The following LTBP2 variants were observed in gnomAD, a reference collection of about 807,000 sequenced individuals.
LTBP2 encodes the protein latent-transforming growth factor beta-binding protein 2.
LTBP2 carries 103 observed loss-of-function variants against 210.6 expected under a neutral mutation model. The observed-to-expected ratio is 0.49, with a 90% confidence interval of 0.42 to 0.58. LTBP2 has a LOEUF of 0.58. Ranked by LOEUF, LTBP2 falls within the 20% of genes least tolerant of loss-of-function variation. The pLI, the probability that LTBP2 is intolerant of heterozygous loss-of-function variation, is 0.00. For synonymous variants in LTBP2, 1,007 were observed against 1,015.0 expected (o/e 0.99, Z 0.15); for missense variants, 2,313 against 2,494.5 (o/e 0.93, Z 1.55).
intron 9 of LTBP2, among the ~76,000 whole-genome samples, chr14:74,535,344 C>T (rs1228807572): frequency 1.3e-5 from 2 of 152,178 alleles, no homozygotes; most frequent in East Asian, 3.9e-4. Context: ...AACTGTTTGT[C>T]CAGTTGTCAA....
intron 3 of LTBP2, among the ~76,000 whole-genome samples, chr14:74,585,287 AGAG>A (rs368687764): frequency 5.0e-4 from 76 of 152,336 alleles, no homozygotes; most frequent in African/African-American, 1.7e-3. Flanking sequence ...TTCTTCTGGC[AGAG>A]GAGTCCTTCC....
rs762914629 is a variant in LTBP2, at chr14:74,507,994, G to T, written c.3754C>A (p.Pro1252Thr). 6.2e-6 allele frequency: 10 copies of T among 1,613,692 alleles called. No homozygotes were observed. The highest frequency in any genetic ancestry group is 4.0e-5 in the African/African-American group (3 of 75,060). ...TTACCCACACACTCTCCACTCTCTG[G>T]GGAGGGCTGGAAGCCAGTCTCACAT... The part of the protein sequence containing the change: ...CLCETGFQPS[P>T]ESGECVDIDE... The change falls in exon 25 of 36, where the codon CCA becomes ACA. Residue 1252 changes from proline (P) to threonine (T), a missense_variant. Coordinates refer to ENST00000261978, the MANE Select transcript of LTBP2 (RefSeq NM_000428.3).
chr14:74,550,824 C>T (rs367758010), intron 7 of LTBP2, among the ~76,000 whole-genome samples: 2 of 152,212 alleles, frequency 1.3e-5, no homozygotes, highest in South Asian at 2.1e-4. Flanking sequence ...AGGGGAACTT[C>T]CTTGGGTCTT....
At chr14:74,540,830 A>AT (rs1555350191) in intron 8 of LTBP2, among the ~76,000 whole-genome samples, 2 of 68,634 alleles carry the variant, frequency 2.9e-5, no homozygotes, top group Non-Finnish European at 5.8e-5. Context: ...ATTTTTATAT[A>AT]ATATATATTT....
intron 2 of LTBP2, among the ~76,000 whole-genome samples, chr14:74,600,792 C>G (rs2088436183): frequency 6.6e-6 from 1 of 152,208 alleles, no homozygotes; most frequent in Non-Finnish European, 1.5e-5. Flanking sequence ...CCCAGTCCCT[C>G]CTGCCCAGGC....
chr14:74,524,986 T>G (rs1408998306), intron 15 of LTBP2, 138 bp downstream of exon 15: 1 of 453,806 alleles, frequency 2.2e-6, no homozygotes, highest in African/African-American at 2.0e-5. Flanking sequence ...ACAGCCCAGC[T>G]GGGAGCCTGC....
chr14:74,532,114 AG>A (rs2087357475), intron 10 of LTBP2, among the ~76,000 whole-genome samples: 1 of 152,154 alleles, frequency 6.6e-6, no homozygotes, highest in South Asian at 2.1e-4. Context: ...AAAGAAAACG[AG>A]GCTACACATG....
intron 2 of LTBP2, among the ~76,000 whole-genome samples, chr14:74,589,746 G>A (rs953698856): frequency 9.9e-5 from 15 of 152,212 alleles, no homozygotes; most frequent in African/African-American, 3.6e-4. Flanking sequence ...TAGTGAACAT[G>A]GAGGAAGCAG....
intron 2 of LTBP2, among the ~76,000 whole-genome samples, chr14:74,592,058 A>G (rs959515031): frequency 3.9e-5 from 6 of 152,206 alleles, no homozygotes; most frequent in Admixed American, 3.9e-4. Flanking sequence ...CTGATGCATG[A>G]AGTCCAGTGA....
At chr14:74,565,953 G>A (rs2087896826) in intron 3 of LTBP2, among the ~76,000 whole-genome samples, 1 of 152,026 alleles carries the variant, frequency 6.6e-6, no homozygotes, top group Non-Finnish European at 1.5e-5. Flanking sequence ...GCTAGCACAC[G>A]ATTAAACAAA....
intron 18 of LTBP2, among the ~76,000 whole-genome samples, chr14:74,512,326 T>C (rs1487753717): frequency 6.6e-6 from 1 of 152,230 alleles, no homozygotes. Flanking sequence ...GGGGTTCTTC[T>C]TCCTAAATGG....
chr14:74,578,917 G>T (rs755025256), intron 3 of LTBP2, among the ~76,000 whole-genome samples: 25 of 152,180 alleles, frequency 1.6e-4, no homozygotes, highest in Non-Finnish European at 3.2e-4. Context: ...GTGCAATGTC[G>T]TGATCTTGGC....
Position 74,502,633 on chromosome 14 carries a change from A to G in LTBP2, c.5170+20T>C. ...CAGCTTTGGTGCCCACCTCTTCCCC[A>G]GTTTTGCAGCAACACAGACCTGGAT... On this transcript the variant is annotated intron_variant, in intron 34 of 35. Coordinates refer to ENST00000261978, the MANE Select transcript of LTBP2 (RefSeq NM_000428.3). 1 of 1,614,126 alleles carries G rather than the reference A, an allele frequency of 6.2e-7. No individual in the cohort carries two copies. The highest frequency in any genetic ancestry group is 8.5e-7 in the Non-Finnish European group (1 of 1,180,014).
At chr14:74,570,000 T>C (rs952012422) in intron 3 of LTBP2, among the ~76,000 whole-genome samples, 1 of 151,850 alleles carries the variant, frequency 6.6e-6, no homozygotes, top group African/African-American at 2.4e-5. Context: ...TACAAGGAAG[T>C]GTATGAAAAC....
In LTBP2 at chr14:74,501,717, A is replaced by T. The variant is rs577616486; in HGVS notation, c.5171-127T>A. 532 of 1,169,356 alleles carry T rather than the reference A, an allele frequency of 4.5e-4. 1 individual carries two copies. The African/African-American group carries it at 7.5e-3, about 17-fold the overall frequency. 72.4% of individuals were successfully genotyped at this position (1,169,356 alleles called of 1,614,324 possible). A position where few individuals can be genotyped will look rare whatever the true frequency, so the allele number is the denominator to read the frequency against. ...AACTGTGGGGGTGGGGGCAGAGAGG[A>T]TCATAAAATTCTTGTGGAAAGATGC... is the stretch of plus-strand genomic sequence containing the variant. On this transcript the variant is annotated intron_variant, in intron 34 of 35. Transcript: ENST00000261978.
Position 74,526,104 on chromosome 14 carries a change from C to T in LTBP2, c.2399G>A (p.Ser800Asn). The change falls in exon 14 of 36, where the codon AGT becomes AAT. Residue 800 changes from serine (S) to asparagine (N), a missense_variant. Ser to Asn is a conservative substitution (Grantham distance 46). This residue lies in a region of LTBP2 where 1,867 missense variants were observed against 1,976.9 expected (regional missense o/e 0.94). Transcript: ENST00000261978. ...GDSQAGQVTT[S>N]VTHAPAWVTG... is the part of the protein sequence containing the mutation. Reference sequence around the variant, plus strand: ...GACCCAGGCAGGTGCATGAGTGACACTGGTCGTGACCTGCACAGAAACAGG... The same window carrying T: ...GACCCAGGCAGGTGCATGAGTGACATTGGTCGTGACCTGCACAGAAACAGG... The T allele has an allele frequency of 3.1e-6, 5 of 1,603,842 alleles. No homozygotes were observed. Among genetic ancestry groups the T allele is most frequent in the Non-Finnish European group, 4.3e-6 (5 of 1,174,682 alleles).
chr14:74,595,292 G>A (rs1445567076), intron 2 of LTBP2, among the ~76,000 whole-genome samples: 1 of 152,246 alleles, frequency 6.6e-6, no homozygotes, highest in East Asian at 1.9e-4. Flanking sequence ...CAGGGGCTGG[G>A]GCAGAGAGCA....
intron 8 of LTBP2, among the ~76,000 whole-genome samples, chr14:74,540,848 T>TAA (rs1555350201): frequency 8.7e-4 from 60 of 68,866 alleles, no homozygotes; most frequent in South Asian, 7.4e-4. Flanking sequence ...TTTATATATA[T>TAA]TATATATATT....
At chr14:74,540,421 C>T (rs532552138) in intron 8 of LTBP2, among the ~76,000 whole-genome samples, 1 of 151,936 alleles carries the variant, frequency 6.6e-6, no homozygotes, top group African/African-American at 2.4e-5. Context: ...GGCAGTGAGT[C>T]GAGATCATGC....
Sources: gnomAD v4.1 joint callset for allele counts (sites outside exome capture counted in the v4.1 genomes callset) on GRCh38, gnomAD v4.1.1 for gene constraint, gnomAD v4.1.1 regional missense constraint, MANE v1.5 for transcripts, NCBI Gene and HGNC (gene_info 2026-07-23, HGNC 2026-07-21) for gene names.